ARNT2: variants seen among roughly 807,000 people sequenced by gnomAD.
ARNT2 encodes aryl hydrocarbon receptor nuclear translocator 2.
Under a neutral mutation model 91.7 loss-of-function variants are expected in ARNT2, and 36 were observed. The ratio of observed to expected loss-of-function variants is 0.39; its 90% CI spans 0.30 to 0.52. The LOEUF is 0.52. Ranked by LOEUF, ARNT2 falls within the 20% of genes least tolerant of loss-of-function variation. The probability of loss-of-function intolerance (pLI) is 0.72; values close to 1 mark genes in which losing one functional copy is unlikely to be tolerated. For synonymous variants in ARNT2, 365 were observed against 347.1 expected (o/e 1.05, Z -0.57); for missense variants, 775 against 939.3 (o/e 0.83, Z 2.29).
intron 1 of ARNT2, among the ~76,000 whole-genome samples, chr15:80,440,786 C>G (rs994894113): frequency 5.3e-5 from 8 of 152,234 alleles, no homozygotes; most frequent in Non-Finnish European, 1.2e-4. Context: ...AGTGGCCATC[C>G]TCTTCTCTAT....
chr15:80,549,886 A>G (rs1371336465), intron 8 of ARNT2, among the ~76,000 whole-genome samples: 1 of 152,230 alleles, frequency 6.6e-6, no homozygotes, highest in Non-Finnish European at 1.5e-5. Context: ...ATAATAAAAC[A>G]CATATGCACA....
chr15:80,578,718 G>A (rs530573332), intron 15 of ARNT2, among the ~76,000 whole-genome samples: 45 of 152,152 alleles, frequency 3.0e-4, no homozygotes, highest in Middle Eastern at 3.4e-3. Flanking sequence ...TCCAAGGAAC[G>A]TCCGAACACC....
At chr15:80,482,978 C>T (rs1896912036) in intron 5 of ARNT2, among the ~76,000 whole-genome samples, 1 of 152,202 alleles carries the variant, frequency 6.6e-6, no homozygotes, top group Non-Finnish European at 1.5e-5. Flanking sequence ...TTGCCAAGCT[C>T]TTTGATCTCT....
chr15:80,529,617 A>G (rs895534947), intron 8 of ARNT2, among the ~76,000 whole-genome samples: 2 of 148,054 alleles, frequency 1.4e-5, no homozygotes, highest in East Asian at 4.0e-4. Context: ...CTTCATTTTC[A>G]TTATTGCCCG....
At chr15:80,415,591 A>T (rs969412915) in intron 1 of ARNT2, among the ~76,000 whole-genome samples, 1 of 152,146 alleles carries the variant, frequency 6.6e-6, no homozygotes, top group East Asian at 1.9e-4. Flanking sequence ...GTGAGGAGGG[A>T]GGCCTGCCCG....
chr15:80,538,561 C>T (rs1897857963), intron 8 of ARNT2, among the ~76,000 whole-genome samples: 1 of 152,134 alleles, frequency 6.6e-6, no homozygotes, highest in Non-Finnish European at 1.5e-5. Flanking sequence ...ACCATGGCCC[C>T]ACTCCATATC....
At chr15:80,418,154 G>A (rs7172073) in intron 1 of ARNT2, among the ~76,000 whole-genome samples, 33,003 of 152,068 alleles carry the variant, frequency 0.22, 3,765 homozygotes, top group Non-Finnish European at 0.24. Context: ...AAGTTGGGGA[G>A]GAAAAACCAG....
intron 8 of ARNT2, among the ~76,000 whole-genome samples, chr15:80,536,493 C>G (rs1008064200): frequency 6.6e-6 from 1 of 152,172 alleles, no homozygotes. Flanking sequence ...ACATGTGTAG[C>G]CCCCAGGTAC....
At position 80,520,589 on chromosome 15, in the gene ARNT2, A is replaced by G. The variant is rs1053403087; in HGVS notation, c.877+6184A>G. Among the ~76,000 whole-genome samples the G allele has an allele frequency of 4.6e-5, 7 of 152,114 alleles. No individual in the cohort carries two copies. The South Asian group carries it at 6.2e-4, about 13-fold the overall frequency. On this transcript the variant is annotated intron_variant, in intron 8 of 18. Coordinates refer to ENST00000303329, the MANE Select transcript of ARNT2 (RefSeq NM_014862.4). ...AAAATAAATAAATAAAAATAAAAAA[A>G]TACCAACAGACATACAAAAGGAAAC...
At chr15:80,509,332 C>T (rs1479734638) in intron 6 of ARNT2, among the ~76,000 whole-genome samples, 2 of 152,144 alleles carry the variant, frequency 1.3e-5, no homozygotes, top group South Asian at 2.1e-4. Context: ...ATCCCAGCTA[C>T]TCAGGAGGCT....
At chr15:80,574,923 T>A in intron 13 of ARNT2, 64 bp from the exon 14 acceptor site, 1 of 1,560,568 alleles carries the variant, frequency 6.4e-7, no homozygotes, top group Non-Finnish European at 8.7e-7. Context: ...TGGTGGCTCC[T>A]GGGGACGCAT....
intron 5 of ARNT2, among the ~76,000 whole-genome samples, chr15:80,482,331 G>A (rs888375086): frequency 6.6e-6 from 1 of 152,152 alleles, no homozygotes; most frequent in African/African-American, 2.4e-5. Flanking sequence ...AAGGGAGCTG[G>A]GCACTGGCGT....
intron 8 of ARNT2, 37 bp from the exon 9 acceptor site, chr15:80,551,162 G>T: frequency 1.3e-6 from 2 of 1,578,464 alleles, no homozygotes. Context: ...ATTCACCTTG[G>T]GCATATTGTT....
intron 3 of ARNT2, among the ~76,000 whole-genome samples, chr15:80,469,061 AT>A (rs1300124863): frequency 6.6e-6 from 1 of 152,090 alleles, no homozygotes; most frequent in Non-Finnish European, 1.5e-5. Context: ...TGTCACTCTC[AT>A]TTTTTGAACA....
At chr15:80,437,361 T>G (rs1896103970) in intron 1 of ARNT2, among the ~76,000 whole-genome samples, 1 of 152,226 alleles carries the variant, frequency 6.6e-6, no homozygotes, top group Non-Finnish European at 1.5e-5. Context: ...ATCTCTCTTA[T>G]CCCATTTTTG....
intron 5 of ARNT2, among the ~76,000 whole-genome samples, chr15:80,505,596 C>T (rs1352693729): frequency 6.6e-6 from 1 of 152,156 alleles, no homozygotes; most frequent in African/African-American, 2.4e-5. Context: ...TTCATTTTTA[C>T]CAATGAGGTA....
chr15:80,431,758 C>G (rs1467116185), intron 1 of ARNT2, among the ~76,000 whole-genome samples: 1 of 152,172 alleles, frequency 6.6e-6, no homozygotes, highest in Admixed American at 6.5e-5. Context: ...TTAGGGGACA[C>G]TGGCCTACCA....
At chr15:80,506,046 C>G (rs1897271455) in intron 5 of ARNT2, among the ~76,000 whole-genome samples, 1 of 150,116 alleles carries the variant, frequency 6.7e-6, no homozygotes, top group South Asian at 2.1e-4. Flanking sequence ...ATGCCATTCT[C>G]CTGCCTCAGC....
intron 5 of ARNT2, among the ~76,000 whole-genome samples, chr15:80,478,817 C>T (rs1896844751): frequency 6.6e-6 from 1 of 152,206 alleles, no homozygotes. Context: ...CCAGCCCAAG[C>T]ATAATTTTAA....
Sources: gnomAD v4.1 joint callset for allele counts (sites outside exome capture counted in the v4.1 genomes callset) on GRCh38, gnomAD v4.1.1 for gene constraint, MANE v1.5 for transcripts, NCBI Gene and HGNC (gene_info 2026-07-23, HGNC 2026-07-21) for gene names.